TOX2: variants seen among roughly 807,000 people sequenced by gnomAD.
TOX2 encodes the protein granulosa cell HMG box 1.
Under a neutral mutation model 47.4 loss-of-function variants are expected in TOX2, and 15 were observed. The ratio of observed to expected loss-of-function variants is 0.32; its 90% confidence interval spans 0.21 to 0.49. TOX2 has a LOEUF of 0.49. Ranked by LOEUF, TOX2 falls within the 20% of genes least tolerant of loss-of-function variation. The pLI, the probability that TOX2 is intolerant of heterozygous loss-of-function variation, is 0.99. For missense variants in TOX2, 622 were observed against 673.1 expected, an observed-to-expected ratio of 0.92 and a Z score of 0.84; for synonymous variants, 290 against 296.6, an observed-to-expected ratio of 0.98 and a Z score of 0.23.
intron 2 of TOX2, among the ~76,000 whole-genome samples, chr20:44,000,227 A>C (rs1174049389): frequency 6.6e-6 from 1 of 152,216 alleles, no homozygotes; most frequent in Non-Finnish European, 1.5e-5. Context: ...TAGCAGGATA[A>C]TTCTGGCCCT....
rs926492748 is a variant in TOX2, at chr20:43,994,503, C to T, written c.166-12044C>T. 2.0e-5 allele frequency among the ~76,000 whole-genome samples: 3 copies of T among 151,826 alleles called. No individual in the cohort carries two copies. In the East Asian group the frequency reaches 5.8e-4, roughly 29 times the overall value. On this transcript the variant is annotated intron_variant, in intron 2 of 8. Coordinates refer to ENST00000341197, the MANE Select transcript of TOX2 (RefSeq NM_001098797.2). ...TACCACTTATTGGAAAACTGAGCTTCCTTATCTGTAAAATGGGGCCAGTGC... is the reference window on the plus strand; with the variant it reads ...TACCACTTATTGGAAAACTGAGCTTTCTTATCTGTAAAATGGGGCCAGTGC...
chr20:44,005,153 A>G (rs896464999), intron 2 of TOX2, among the ~76,000 whole-genome samples: 1 of 152,232 alleles, frequency 6.6e-6, no homozygotes, highest in African/African-American at 2.4e-5. Flanking sequence ...TGCCTTTGAT[A>G]TGCTTCCTCT....
chr20:44,066,579 G>A (rs1483475066), intron 7 of TOX2, 151 bp from the exon 8 acceptor site: 20 of 1,177,470 alleles, frequency 1.7e-5, no homozygotes, highest in East Asian at 2.4e-5. Context: ...ATTTTGAAAG[G>A]TGCTCTACTG....
intron 1 of TOX2, among the ~76,000 whole-genome samples, chr20:43,953,701 G>T (rs759026713): frequency 6.6e-6 from 1 of 152,148 alleles, no homozygotes; most frequent in Admixed American, 6.5e-5. Context: ...GGATGGGGCT[G>T]GAGAAATCAG....
intron 3 of TOX2, among the ~76,000 whole-genome samples, chr20:44,046,760 T>A (rs1056447215): frequency 7.2e-5 from 11 of 152,232 alleles, no homozygotes; most frequent in African/African-American, 2.7e-4. Flanking sequence ...ATGGAGAAAT[T>A]TGTACAATAT....
At chr20:44,049,296 C>T (rs187804127) in intron 3 of TOX2, among the ~76,000 whole-genome samples, 13 of 152,324 alleles carry the variant, frequency 8.5e-5, no homozygotes, top group African/African-American at 1.7e-4. Context: ...CATCTGCAAA[C>T]ATAGCCTATT....
At chr20:43,944,278 A>G (rs1000304725) in intron 1 of TOX2, among the ~76,000 whole-genome samples, 1 of 152,256 alleles carries the variant, frequency 6.6e-6, no homozygotes, top group Non-Finnish European at 1.5e-5. Flanking sequence ...GAGAAGAACA[A>G]TAAACACAGA....
intron 1 of TOX2, among the ~76,000 whole-genome samples, chr20:43,917,603 G>A (rs922532511): frequency 6.6e-6 from 1 of 152,144 alleles, no homozygotes; most frequent in African/African-American, 2.4e-5. Context: ...GGCTCTTGGC[G>A]ACCGTCCCCT....
rs181554096 is a variant in TOX2 at position 43,924,955 on chromosome 20, T to A, written c.99+9965T>A. Among the ~76,000 whole-genome samples the A allele has an allele frequency of 4.0e-3, 604 of 152,298 alleles. 5 individuals are homozygous for A. Among genetic ancestry groups the A allele is most frequent in the African/African-American group, 0.014 (580 of 41,548 alleles). On this transcript the variant is annotated intron_variant, in intron 1 of 8. Transcript: ENST00000341197. ...CTTCCCATCAAACCCTTTCTTCAGT[T>A]CCTTACTTTTAATACATTCGTTGTT...
chr20:43,986,132 G>A (rs1010604564), intron 2 of TOX2, among the ~76,000 whole-genome samples: 2 of 152,182 alleles, frequency 1.3e-5, no homozygotes, highest in African/African-American at 2.4e-5. Context: ...GTGGCTAGTG[G>A]TTATACTTGT....
At chr20:43,984,158 G>T (rs959012073) in intron 2 of TOX2, among the ~76,000 whole-genome samples, 4 of 152,138 alleles carry the variant, frequency 2.6e-5, no homozygotes, top group African/African-American at 9.7e-5. Context: ...AAAGAGAAAA[G>T]GCCTTTTGCA....
At chr20:44,066,658 C>T (rs2071827634) in intron 7 of TOX2, 72 bp from the exon 8 acceptor site, 6 of 1,610,758 alleles carry the variant, frequency 3.7e-6, no homozygotes, top group South Asian at 1.1e-5. Flanking sequence ...TGGGCTCTCA[C>T]CCCGGGAGGC....
intron 2 of TOX2, among the ~76,000 whole-genome samples, chr20:43,996,143 T>C (rs529228185): frequency 3.9e-5 from 6 of 152,346 alleles, no homozygotes; most frequent in Admixed American, 3.9e-4. Flanking sequence ...AGTGTAAGTG[T>C]TACCTTTTCT....
intron 3 of TOX2, among the ~76,000 whole-genome samples, chr20:44,029,119 G>T (rs191147331): frequency 6.0e-4 from 91 of 152,174 alleles, no homozygotes; most frequent in Admixed American, 3.9e-4. Context: ...ACTCAGGGTC[G>T]CCACCGCGCT....
At chr20:43,978,487 A>AT (rs1226755944) in intron 2 of TOX2, among the ~76,000 whole-genome samples, 3 of 152,070 alleles carry the variant, frequency 2.0e-5, no homozygotes, top group South Asian at 2.1e-4. Flanking sequence ...ATGACTTATT[A>AT]TTTTTTACCA....
In TOX2 at chr20:44,054,502, C is replaced by T. The variant is rs528065786; in HGVS notation, c.855C>T (p.Asp285=). 5.0e-6 allele frequency: 8 copies of T among 1,614,048 alleles called. No homozygotes were observed. In the African/African-American group the frequency reaches 9.3e-5, roughly 19 times the overall value. Residue 285 remains aspartate (D), a synonymous_variant, in exon 5 of 9, where the codon GAC becomes GAT. Coordinates refer to ENST00000341197, the MANE Select transcript of TOX2 (RefSeq NM_001098797.2). Reference sequence around the variant, plus strand: ...CCAAAATCGTGGCCTCCATGTGGGACAGCCTGGGAGAGGAACAGAAGCAGG... The same window carrying T: ...CCAAAATCGTGGCCTCCATGTGGGATAGCCTGGGAGAGGAACAGAAGCAGG... ...DVSKIVASMW[D]SLGEEQKQAY...
At chr20:43,925,764 C>T (rs1323172792) in intron 1 of TOX2, among the ~76,000 whole-genome samples, 1 of 152,190 alleles carries the variant, frequency 6.6e-6, no homozygotes, top group Non-Finnish European at 1.5e-5. Context: ...CCAGCCTTTT[C>T]CTATTTTCTT....
intron 4 of TOX2, among the ~76,000 whole-genome samples, chr20:44,052,470 G>A (rs951722211): frequency 6.6e-6 from 1 of 152,188 alleles, no homozygotes; most frequent in Non-Finnish European, 1.5e-5. Flanking sequence ...TTTCCACGTG[G>A]TGGCCTCCCG....
intron 1 of TOX2, among the ~76,000 whole-genome samples, chr20:43,932,394 T>A (rs982705298): frequency 1.3e-5 from 2 of 152,156 alleles, no homozygotes; most frequent in Non-Finnish European, 2.9e-5. Flanking sequence ...ATAAAAAGAG[T>A]TATGTTTGCC....
Sources: gnomAD v4.1 joint callset for allele counts (sites outside exome capture counted in the v4.1 genomes callset) on GRCh38, gnomAD v4.1.1 for gene constraint, MANE v1.5 for transcripts, NCBI Gene and HGNC (gene_info 2026-07-23, HGNC 2026-07-21) for gene names.